KYAT3: variants seen among roughly 807,000 people sequenced by gnomAD.
The protein encoded by KYAT3 is kynurenine--oxoglutarate transaminase 3.
In KYAT3, 50 loss-of-function variants were observed where a neutral mutation model predicts 59.0. That is an observed-to-expected ratio of 0.85 (90% confidence interval 0.68 to 1.07). The LOEUF is 1.07. Among genes scored for constraint, KYAT3 ranks in the 50% least tolerant of loss-of-function variants. KYAT3 has a pLI of 0.00. For synonymous variants in KYAT3, 148 were observed against 177.0 expected (o/e 0.84, Z 1.30); for missense variants, 497 against 533.3 (o/e 0.93, Z 0.67).
intron 4 of KYAT3, among the ~76,000 whole-genome samples, chr1:88,967,381 G>A (rs527561226): frequency 5.1e-4 from 78 of 152,010 alleles, no homozygotes; most frequent in Middle Eastern, 3.4e-3. Flanking sequence ...ATAAATGTGT[G>A]CAGAACTGGT....
chr1:88,949,165 A>G lies in KYAT3; in HGVS notation c.1067T>C (p.Leu356Ser), dbSNP rs768462290. Residue 356 changes from leucine to serine, a missense_variant, in exon 11 of 14, where the codon TTA (leucine) becomes TCA (serine). Coordinates refer to ENST00000260508, the MANE Select transcript of KYAT3 (RefSeq NM_001008661.3). ...LEVKRDRMVR[L>S]LESVGLKPIV... ...GGGTTTTAGGCCAACACTTTCAAGT[A>G]AACGTACCATCCGATCTCTTTTTAC... 4 of 1,610,842 alleles carry G rather than the reference A, an allele frequency of 2.5e-6. No homozygotes were observed. In the South Asian group the frequency reaches 4.4e-5, roughly 18 times the overall value.
intron 5 of KYAT3, among the ~76,000 whole-genome samples, chr1:88,963,724 TCA>T (rs1423981972): frequency 1.3e-5 from 2 of 152,198 alleles, no homozygotes; most frequent in East Asian, 3.9e-4. Flanking sequence ...ATCTTCTATC[TCA>T]CAGTGCTTAG....
chr1:88,928,636 A>C, the KYAT3 span, among the ~76,000 whole-genome samples: 2 of 152,294 alleles, frequency 1.3e-5, no homozygotes, highest in Middle Eastern at 6.8e-3. Context: ...CACTAACCAG[A>C]TGATCCAGCA....
intron 4 of KYAT3, among the ~76,000 whole-genome samples, chr1:88,966,946 A>G (rs1432473749): frequency 6.6e-6 from 1 of 152,036 alleles, no homozygotes; most frequent in Non-Finnish European, 1.5e-5. Flanking sequence ...ACATAAGATG[A>G]TCTTTTTTTT....
At chr1:88,978,036 G>C (rs2101070790) in intron 2 of KYAT3, among the ~76,000 whole-genome samples, 1 of 152,118 alleles carries the variant, frequency 6.6e-6, no homozygotes, top group South Asian at 2.1e-4. Context: ...TTTAAGTGAA[G>C]CATAACTCTA....
At chr1:88,990,112 T>A (rs982596387) in intron 1 of KYAT3, among the ~76,000 whole-genome samples, 3 of 152,184 alleles carry the variant, frequency 2.0e-5, no homozygotes, top group African/African-American at 7.2e-5. Flanking sequence ...AAAAAATCCT[T>A]GTTTTTTCCT....
At chr1:88,983,894 G>A (rs1677273749) in intron 2 of KYAT3, 2 of 1,593,800 alleles carry the variant, frequency 1.3e-6, no homozygotes, top group Admixed American at 3.3e-5. Flanking sequence ...GCCGACAGGG[G>A]CTTCCTAGCA....
intron 1 of KYAT3, among the ~76,000 whole-genome samples, chr1:88,990,334 G>GCTCATTTTACTAGCTCTCTCCTTTTC (rs1173941862): frequency 6.6e-6 from 1 of 151,256 alleles, no homozygotes; most frequent in East Asian, 1.9e-4. Context: ...TCTCCCTGTT[G>GCTCATTTTACTAGCTCTCTCCTTTTC]CTCATTTTAC....
chr1:88,962,351 T>C (rs991584077), intron 5 of KYAT3, among the ~76,000 whole-genome samples: 2 of 152,170 alleles, frequency 1.3e-5, no homozygotes, highest in African/African-American at 4.8e-5. Flanking sequence ...CTCCTTGGTA[T>C]CTTAGGGAGA....
intron 13 of KYAT3, among the ~76,000 whole-genome samples, chr1:88,939,661 T>C (rs945754268): frequency 6.6e-6 from 1 of 152,246 alleles, no homozygotes. Context: ...CAATAATTTT[T>C]CTGCCTAATA....
chr1:88,927,714 C>T, the KYAT3 span, among the ~76,000 whole-genome samples: 4 of 152,162 alleles, frequency 2.6e-5, no homozygotes, highest in African/African-American at 4.8e-5. Flanking sequence ...GTGCATGTAC[C>T]TTTATCTCTC....
intron 4 of KYAT3, among the ~76,000 whole-genome samples, chr1:88,966,183 T>C (rs1453145559): frequency 1.3e-5 from 2 of 152,170 alleles, no homozygotes; most frequent in African/African-American, 4.8e-5. Context: ...TATATACCTA[T>C]GTATTTACAA....
intron 9 of KYAT3, 85 bp from the exon 10 acceptor site, chr1:88,953,237 T>C (rs750512916): frequency 2.3e-6 from 2 of 865,244 alleles, no homozygotes; most frequent in Admixed American, 2.0e-5. Context: ...AGTGCAATTG[T>C]TAAATATATA....
At chr1:88,976,492 A>G (rs552607219) in intron 2 of KYAT3, among the ~76,000 whole-genome samples, 2 of 152,360 alleles carry the variant, frequency 1.3e-5, no homozygotes, top group East Asian at 1.9e-4. Flanking sequence ...AAAAGTCTAG[A>G]ACATACAATT....
At position 88,939,057 on chromosome 1, in the gene KYAT3, C is replaced by A. The variant is rs181727033; in HGVS notation, c.1303-2812G>T. On this transcript the variant is annotated intron_variant, in intron 13 of 13. Coordinates refer to ENST00000260508, the MANE Select transcript of KYAT3 (RefSeq NM_001008661.3). ...ATTTTACAAATTATACTCCCACTCT[C>A]AATTTGTGAGAGTGTTTTATGAAAC... Among the ~76,000 whole-genome samples, 632 of 152,272 alleles carry A rather than the reference C, an allele frequency of 4.2e-3. 4 individuals are homozygous for A. Among genetic ancestry groups the A allele is most frequent in the Non-Finnish European group, 6.5e-3 (439 of 68,016 alleles).
chr1:88,986,159 C>T (rs1009375945), intron 2 of KYAT3, among the ~76,000 whole-genome samples: 3 of 144,468 alleles, frequency 2.1e-5, no homozygotes, highest in Admixed American at 1.4e-4. Flanking sequence ...CCAGCCTGGG[C>T]GGCAAGAGTG....
intron 2 of KYAT3, among the ~76,000 whole-genome samples, chr1:88,974,791 C>A (rs1676706130): frequency 6.6e-6 from 1 of 152,096 alleles, no homozygotes; most frequent in Non-Finnish European, 1.5e-5. Context: ...GTAAACGCAC[C>A]AAATCAGCAC....
At chr1:88,925,267 A>G in the KYAT3 span, among the ~76,000 whole-genome samples, 2 of 152,216 alleles carry the variant, frequency 1.3e-5, no homozygotes, top group Non-Finnish European at 2.9e-5. Flanking sequence ...TGGCACAGCC[A>G]GAAGTCTCTA....
In KYAT3 at chr1:88,961,362, G is replaced by A. The variant is rs1557691820; in HGVS notation, c.666+19C>T. 1 of 1,613,776 alleles carries A rather than the reference G, an allele frequency of 6.2e-7. No individual in the cohort carries two copies. The highest frequency in any genetic ancestry group is 1.3e-5 in the African/African-American group (1 of 75,048). On this transcript the variant is annotated intron_variant, in intron 7 of 13. Transcript: ENST00000260508. ...AATGATAGGTCAGAAGACTGTATAAGGAGATGAGACTTGCTTACCTTGCCA... is the reference window on the plus strand; with the variant it reads ...AATGATAGGTCAGAAGACTGTATAAAGAGATGAGACTTGCTTACCTTGCCA...
Sources: gnomAD v4.1 joint callset for allele counts (sites outside exome capture counted in the v4.1 genomes callset) on GRCh38, gnomAD v4.1.1 for gene constraint, MANE v1.5 for transcripts, NCBI Gene and HGNC (gene_info 2026-07-23, HGNC 2026-07-21) for gene names.